Variants in PCM1 observed in about 807,000 individuals in gnomAD.
The protein encoded by PCM1 is pericentriolar material 1, also known as pericentriolar material 1 protein.
Under a neutral mutation model 241.9 loss-of-function variants are expected in PCM1, and 157 were observed. That is an observed-to-expected ratio of 0.65 (90% CI 0.57 to 0.74). The LOEUF (loss-of-function observed/expected upper bound fraction) is 0.74, where lower values mean the gene tolerates loss of function less well. Ranked by LOEUF, PCM1 falls within the 30% of genes least tolerant of loss-of-function variation. The pLI is 0.00. For missense variants in PCM1, 3,478 were observed against 2,360.1 expected, an observed-to-expected ratio of 1.47 and a Z score of -9.81; for synonymous variants, 1,085 against 784.9, an observed-to-expected ratio of 1.38 and a Z score of -6.39.
At chr8:17,949,554 TG>T (rs11290309) in intron 7 of PCM1, among the ~76,000 whole-genome samples, 151,206 of 151,206 alleles carry the variant, frequency 1, 75,603 homozygotes, top group Non-Finnish European at 1. Context: ...TGGAATACAG[TG>T]GGCGTGATCT....
chr8:17,928,281 C>G (rs7015946), intron 2 of PCM1, among the ~76,000 whole-genome samples: 1 of 151,980 alleles, frequency 6.6e-6, no homozygotes, highest in Non-Finnish European at 1.5e-5. Context: ...AATAGTCTCT[C>G]GTTTCCCTGA....
chr8:18,016,584 A>G (rs565942935), intron 36 of PCM1, among the ~76,000 whole-genome samples: 1 of 152,228 alleles, frequency 6.6e-6, no homozygotes, highest in African/African-American at 2.4e-5. Context: ...CATAATTCCA[A>G]AATTGCCTTG....
At chr8:17,943,454 C>G (rs1381757706) in intron 6 of PCM1, among the ~76,000 whole-genome samples, 2 of 152,096 alleles carry the variant, frequency 1.3e-5, no homozygotes, top group South Asian at 4.1e-4. Flanking sequence ...GAATTTTATT[C>G]TCTTTAATCC....
chr8:18,027,467 A>G (rs1416291425), intron 38 of PCM1, among the ~76,000 whole-genome samples, 170 bp from the exon 39 acceptor site: 3 of 152,192 alleles, frequency 2.0e-5, no homozygotes, highest in Non-Finnish European at 2.9e-5. Flanking sequence ...GAAACGCCTC[A>G]CCTATTCTTT....
At chr8:17,936,586 A>G (rs2060493527) in intron 3 of PCM1, among the ~76,000 whole-genome samples, 2 of 152,186 alleles carry the variant, frequency 1.3e-5, no homozygotes, top group African/African-American at 2.4e-5. Flanking sequence ...ACTAAATGCT[A>G]GGTACTAATT....
rs1027502039 is a variant in PCM1 at position 17,927,180 on chromosome 8, G to A, written c.-23+2400G>A. The A allele has an allele frequency of 6.2e-5, 9 of 145,146 alleles. 1 individual carries two copies. The highest frequency in any genetic ancestry group is 4.9e-4 in the Admixed American group (7 of 14,416). The allele number at this position is 145,146 out of a possible 1,614,324, so 9.0% of individuals were successfully genotyped here. A position where few individuals can be genotyped will look rare whatever the true frequency, so the allele number is the denominator to read the frequency against. On this transcript the variant is annotated intron_variant, in intron 2 of 38. Transcript: ENST00000325083. ...CTTGCTCTGTTGTCCAGGCTGGAGT[G>A]CAGTGGCATTATCTTGGCTTACTGC...
At position 17,937,358 on chromosome 8, in the gene PCM1, A is replaced by T; in HGVS notation, c.321A>T (p.Ile107=). The change falls in exon 4 of 39, where the codon ATA becomes ATT. Residue 107 remains isoleucine, a synonymous_variant. Transcript: ENST00000325083. ...AATTAGAGAAACTGAAACAGCGGAT[A>T]AACTTCAGTGATTTAGATCAGGTTT... ...QAELEKLKQR[I]NFSDLDQRSI... 1.2e-6 allele frequency: 2 copies of T among 1,600,704 alleles called. No homozygotes were observed. The highest frequency in any genetic ancestry group is 8.5e-7 in the Non-Finnish European group (1 of 1,174,100).
chr8:18,019,999 A>G (rs545719261), intron 36 of PCM1, among the ~76,000 whole-genome samples: 1 of 152,258 alleles, frequency 6.6e-6, no homozygotes, highest in South Asian at 2.1e-4. Context: ...TGAGTCCCAC[A>G]TTTCTCTGCT....
chr8:18,017,928 G>C (rs145985103), intron 36 of PCM1, among the ~76,000 whole-genome samples: 2 of 152,292 alleles, frequency 1.3e-5, no homozygotes, highest in Admixed American at 6.5e-5. Flanking sequence ...GGATTCTCTG[G>C]TATGTTACTC....
chr8:18,017,940 C>G (rs1366290708), intron 36 of PCM1, among the ~76,000 whole-genome samples: 1 of 152,162 alleles, frequency 6.6e-6, no homozygotes, highest in Non-Finnish European at 1.5e-5. Flanking sequence ...ATGTTACTCT[C>G]CATAAGGCCC....
intron 13 of PCM1, among the ~76,000 whole-genome samples, chr8:17,959,092 A>G (rs1187455863): frequency 6.6e-6 from 1 of 152,136 alleles, no homozygotes; most frequent in East Asian, 1.9e-4. Flanking sequence ...TTTTCTCTGC[A>G]GTTAGGTACA....
chr8:18,026,622 A>G (rs1469142104), intron 38 of PCM1, among the ~76,000 whole-genome samples: 1 of 152,020 alleles, frequency 6.6e-6, no homozygotes, highest in African/African-American at 2.4e-5. Flanking sequence ...AAATATTATG[A>G]TTCTTAGTTT....
intron 3 of PCM1, among the ~76,000 whole-genome samples, chr8:17,936,049 C>T (rs576067173): frequency 1.3e-5 from 2 of 152,140 alleles, no homozygotes; most frequent in African/African-American, 4.8e-5. Context: ...GTGCATCTGC[C>T]TAACACACCT....
chr8:18,014,845 G>GTA lies in PCM1; in HGVS notation c.5841+7_5841+8dup, dbSNP rs2092966803. On this transcript the variant is annotated splice_donor_region_variant and intron_variant, in intron 36 of 38. Transcript: ENST00000325083. ...CCAGTGTTAGTGAATGACTATGTAT[G>GTA]TATCATTTACATTTCCAAATATTTT... 5 of 1,575,458 alleles carry GTA rather than the reference G, an allele frequency of 3.2e-6. No individual in the cohort carries two copies. The highest frequency in any genetic ancestry group is 3.4e-6 in the Non-Finnish European group (4 of 1,163,448).
At chr8:18,021,990 T>C (rs533432366) in intron 36 of PCM1, among the ~76,000 whole-genome samples, 22 of 152,298 alleles carry the variant, frequency 1.4e-4, no homozygotes, top group Non-Finnish European at 2.9e-4. Flanking sequence ...ATGACTGGCT[T>C]CCATAACTTA....
intron 36 of PCM1, among the ~76,000 whole-genome samples, chr8:18,015,523 A>AT (rs143238710): frequency 0.096 from 14,536 of 152,154 alleles, 1,137 homozygotes; most frequent in African/African-American, 0.21. Flanking sequence ...GGTACTTGAT[A>AT]AAAGACAATT....
intron 36 of PCM1, among the ~76,000 whole-genome samples, chr8:18,016,620 A>G (rs1490325291): frequency 2.6e-5 from 4 of 152,266 alleles, no homozygotes; most frequent in Non-Finnish European, 4.4e-5. Flanking sequence ...CTAAAGGCAA[A>G]TAAGACAGAT....
intron 23 of PCM1, among the ~76,000 whole-genome samples, chr8:17,978,780 T>C (rs1181706791): frequency 1.3e-5 from 2 of 152,168 alleles, no homozygotes; most frequent in African/African-American, 2.4e-5. Context: ...GTCTCACTAA[T>C]ATAAATTCAA....
intron 6 of PCM1, 193 bp downstream of exon 6, chr8:17,940,054 G>A: frequency 6.4e-7 from 1 of 1,569,340 alleles, no homozygotes; most frequent in Non-Finnish European, 8.6e-7. Context: ...TAGAGAAAAT[G>A]AGGAGGAGGA....
Sources: gnomAD v4.1 joint callset for allele counts (sites outside exome capture counted in the v4.1 genomes callset) on GRCh38, gnomAD v4.1.1 for gene constraint, MANE v1.5 for transcripts, NCBI Gene and HGNC (gene_info 2026-07-23, HGNC 2026-07-21) for gene names.